VIT: variants seen among roughly 807,000 people sequenced by gnomAD.
VIT encodes the protein vitrin.
In VIT, 99 loss-of-function variants were observed where a neutral mutation model predicts 78.0. The ratio of observed to expected loss-of-function variants is 1.27; its 90% CI spans 1.08 to 1.50. The LOEUF (loss-of-function observed/expected upper bound fraction) is 1.50, where lower values mean the gene tolerates loss of function less well. Ranked by LOEUF, VIT falls within the 40% of genes most tolerant of loss-of-function variation. The pLI, the probability that VIT is intolerant of heterozygous loss-of-function variation, is 0.00. For missense variants in VIT, 1,126 were observed against 875.3 expected, an observed-to-expected ratio of 1.29 and a Z score of -3.61; for synonymous variants, 374 against 334.3, an observed-to-expected ratio of 1.12 and a Z score of -1.29.
At chr2:36,767,406 C>A in intron 7 of VIT, 121 bp downstream of exon 7, 2 of 1,040,468 alleles carry the variant, frequency 1.9e-6, no homozygotes, top group Admixed American at 4.2e-5. Context: ...AGAACTGGGC[C>A]GGGGGTATGT....
intron 2 of VIT, among the ~76,000 whole-genome samples, chr2:36,717,544 A>AT (rs953286891): frequency 1.1e-4 from 16 of 152,122 alleles, no homozygotes; most frequent in Admixed American, 3.3e-4. Context: ...CCCAGAGATG[A>AT]TTTTTTTAAA....
intron 2 of VIT, among the ~76,000 whole-genome samples, chr2:36,721,156 A>G (rs879290620): frequency 6.6e-6 from 1 of 152,228 alleles, no homozygotes; most frequent in Non-Finnish European, 1.5e-5. Context: ...CTCACCACAC[A>G]CATAAAAATT....
chr2:36,736,390 ACAT>A (rs1667509955), intron 3 of VIT, among the ~76,000 whole-genome samples: 1 of 152,378 alleles, frequency 6.6e-6, no homozygotes, highest in African/African-American at 2.4e-5. Flanking sequence ...TGTAATAAAC[ACAT>A]CATATATTTT....
Position 36,814,440 on chromosome 2 carries a change from G to A in VIT, c.*79G>A, listed in dbSNP as rs573499518. 32 of 1,503,580 alleles carry A rather than the reference G, an allele frequency of 2.1e-5. No individual in the cohort carries two copies. The East Asian group carries it at 5.5e-4, about 26-fold the overall frequency. 93.1% of individuals were successfully genotyped at this position (1,503,580 alleles called of 1,614,324 possible). On this transcript the variant is annotated 3_prime_UTR_variant, in exon 16 of 16. Transcript: ENST00000379242. ...ACCACCCCACCGCTTAATGGGGCACGCACGGTGCATCAAGTCTTGGGCAGG... is the reference window on the plus strand; with the variant it reads ...ACCACCCCACCGCTTAATGGGGCACACACGGTGCATCAAGTCTTGGGCAGG...
At chr2:36,750,097 C>T (rs116599020) in intron 4 of VIT, among the ~76,000 whole-genome samples, 1,582 of 152,246 alleles carry the variant, frequency 0.01, 26 homozygotes, top group African/African-American at 0.034. Context: ...AAAAACGACA[C>T]GAAAAGCTGT....
chr2:36,774,506 C>T (rs754330059), intron 8 of VIT: 9 of 985,270 alleles, frequency 9.1e-6, no homozygotes, highest in Non-Finnish European at 1.1e-5. Context: ...TCTGAAGCCA[C>T]AGGACACTAG....
chr2:36,697,345 T>G (rs1278328583), intron 1 of VIT, among the ~76,000 whole-genome samples: 1 of 152,244 alleles, frequency 6.6e-6, no homozygotes, highest in Non-Finnish European at 1.5e-5. Flanking sequence ...ATGTGGAATG[T>G]AATAGCAATA....
chr2:36,753,216 G>T (rs1668570011), intron 4 of VIT, among the ~76,000 whole-genome samples: 1 of 151,986 alleles, frequency 6.6e-6, no homozygotes, highest in South Asian at 2.1e-4. Context: ...AGAGTTGGGG[G>T]GTGGGGGAGG....
chr2:36,787,084 C>T, intron 11 of VIT, 45 bp from the exon 12 acceptor site: 3 of 1,608,548 alleles, frequency 1.9e-6, no homozygotes, highest in Non-Finnish European at 1.7e-6. Context: ...CAGGTAAATG[C>T]AGTGAGAGAT....
chr2:36,777,029 C>T (rs138234219), intron 9 of VIT, among the ~76,000 whole-genome samples: 1,820 of 146,126 alleles, frequency 0.012, 11 homozygotes, highest in Non-Finnish European at 0.02. Flanking sequence ...GCGGAGCTTG[C>T]AGTGAGCCGA....
intron 12 of VIT, among the ~76,000 whole-genome samples, chr2:36,799,623 T>C (rs1335821893): frequency 6.8e-6 from 1 of 147,554 alleles, no homozygotes; most frequent in African/African-American, 2.5e-5. Flanking sequence ...GAGGCTGAGG[T>C]GGGAGGATGC....
intron 12 of VIT, among the ~76,000 whole-genome samples, chr2:36,794,390 A>G (rs1345411568): frequency 5.9e-5 from 9 of 152,232 alleles, no homozygotes; most frequent in African/African-American, 2.2e-4. Context: ...AAATTAAAAG[A>G]TTGCTTGCAT....
chr2:36,732,305 G>T (rs1319292555), intron 3 of VIT, among the ~76,000 whole-genome samples: 1 of 152,202 alleles, frequency 6.6e-6, no homozygotes, highest in Non-Finnish European at 1.5e-5. Context: ...TTTCTGATAT[G>T]CTAAATTCTA....
At chr2:36,787,329 A>T (rs941829269) in intron 12 of VIT, 53 bp downstream of exon 12, 29 of 1,574,496 alleles carry the variant, frequency 1.8e-5, no homozygotes, top group Non-Finnish European at 2.3e-5. Flanking sequence ...CATGTGCTTA[A>T]TTTTATGCCA....
In VIT at chr2:36,814,351, C is replaced by T. The variant is rs370606511; in HGVS notation, c.2072C>T (p.Pro691Leu). ...ATTTGTACAGAGTTCAACTCACAGC[C>T]TCGGAACTGAATTCAGAGCAGGCAG... is the stretch of plus-strand genomic sequence containing the variant. ...QNICTEFNSQ[P>L]RN is the part of the protein sequence containing the mutation. Residue 691 changes from proline to leucine, a missense_variant, in exon 16 of 16, where the codon CCT (proline) becomes CTT (leucine). Pro to Leu is a moderately conservative substitution (Grantham distance 98). Coordinates refer to ENST00000379242, the MANE Select transcript of VIT (RefSeq NM_053276.4). 1.2e-6 allele frequency: 2 copies of T among 1,614,032 alleles called. No individual in the cohort carries two copies. Among genetic ancestry groups the T allele is most frequent in the Admixed American group, 1.7e-5 (1 of 60,008 alleles).
chr2:36,714,024 TTTG>T (rs1402790236), intron 1 of VIT, among the ~76,000 whole-genome samples: 3 of 152,228 alleles, frequency 2.0e-5, no homozygotes, highest in Non-Finnish European at 2.9e-5. Flanking sequence ...GTAATGTGAT[TTTG>T]TTTTTATTTT....
Position 36,808,561 on chromosome 2 carries a change from C to G in VIT, c.1479C>G (p.Val493=), listed in dbSNP as rs144597533. The change falls in exon 15 of 16, where the codon GTC becomes GTG. Residue 493 remains valine, a synonymous_variant. Coordinates refer to ENST00000379242, the MANE Select transcript of VIT (RefSeq NM_053276.4). Reference sequence around the variant, plus strand: ...CCCTGCAGCCTCTGGTGAAGCGGGTCTGCGACACTGACCGCCTGGCCTGCA... The same window carrying G: ...CCCTGCAGCCTCTGGTGAAGCGGGTGTGCGACACTGACCGCCTGGCCTGCA... The part of the protein sequence containing the change: ...HKTLQPLVKR[V]CDTDRLACSK... 2.4e-5 allele frequency: 38 copies of G among 1,614,112 alleles called. No individual in the cohort carries two copies. In the African/African-American group the frequency reaches 4.5e-4, roughly 19 times the overall value.
rs571003963 is a variant in VIT at position 36,700,732 on chromosome 2, T to A, written c.-19+3759T>A. Among the ~76,000 whole-genome samples, 153 of 135,748 alleles carry A rather than the reference T, an allele frequency of 1.1e-3. 1 individual carries two copies. Among genetic ancestry groups the A allele is most frequent in the Non-Finnish European group, 2.2e-3 (135 of 62,492 alleles). 89.1% of individuals were successfully genotyped at this position (135,748 alleles called of 152,430 possible). On this transcript the variant is annotated intron_variant, in intron 1 of 15. Transcript: ENST00000379242. ...GCCTGGGTGACACAGCAAGACCCTA[T>A]CTCAATTAAATAATAATAATAATAA...
chr2:36,773,668 G>A (rs376080315), intron 7 of VIT, 123 bp from the exon 8 acceptor site: 1 of 789,452 alleles, frequency 1.3e-6, no homozygotes, highest in Non-Finnish European at 1.8e-6. Flanking sequence ...AGGTTGCAGT[G>A]AGCTGAGATC....
Sources: allele counts gnomAD v4.1 joint callset (sites outside exome capture counted in the v4.1 genomes callset), GRCh38; gene constraint gnomAD v4.1.1; transcripts MANE v1.5; gene names NCBI Gene and HGNC (gene_info 2026-07-23, HGNC 2026-07-21).